PLCB1: variants seen among roughly 807,000 people sequenced by gnomAD.
PLCB1 encodes phospholipase C beta 1.
PLCB1 carries 46 observed loss-of-function variants against 161.8 expected under a neutral mutation model. The ratio of observed to expected loss-of-function variants is 0.28; its 90% CI spans 0.22 to 0.36. The LOEUF is 0.36. Ranked by LOEUF, PLCB1 falls within the 10% of genes least tolerant of loss-of-function variation. The probability of loss-of-function intolerance (pLI) is 1.00; values close to 1 mark genes in which losing one functional copy is unlikely to be tolerated. For synonymous variants in PLCB1, 517 were observed against 503.7 expected (o/e 1.03, Z -0.35); for missense variants, 1,016 against 1,472.5 (o/e 0.69, Z 5.07).
intron 3 of PLCB1, among the ~76,000 whole-genome samples, chr20:8,560,044 T>A (rs774715272): frequency 6.6e-6 from 1 of 152,024 alleles, no homozygotes; most frequent in African/African-American, 2.4e-5. Flanking sequence ...TTGTAGACTT[T>A]ATAGTCCAAG....
intron 2 of PLCB1, among the ~76,000 whole-genome samples, chr20:8,353,903 AT>A (rs1986271318): frequency 6.6e-6 from 1 of 152,114 alleles, no homozygotes; most frequent in African/African-American, 2.4e-5. Flanking sequence ...GTTGTATCAA[AT>A]GTATCATACT....
At chr20:8,270,818 A>T (rs1036337307) in intron 2 of PLCB1, among the ~76,000 whole-genome samples, 1 of 152,052 alleles carries the variant, frequency 6.6e-6, no homozygotes, top group African/African-American at 2.4e-5. Flanking sequence ...ATTTCTGTCA[A>T]TAGGGTTTGA....
chr20:8,341,532 C>T (rs1163842926), intron 2 of PLCB1, among the ~76,000 whole-genome samples: 1 of 152,150 alleles, frequency 6.6e-6, no homozygotes, highest in African/African-American at 2.4e-5. Flanking sequence ...GGATTCTTTT[C>T]TCTCAGATCT....
intron 2 of PLCB1, among the ~76,000 whole-genome samples, chr20:8,298,014 A>G (rs1983718268): frequency 6.6e-6 from 1 of 150,514 alleles, no homozygotes; most frequent in Non-Finnish European, 1.5e-5. Context: ...GTGAAGCAAG[A>G]GGCTGGGTGC....
intron 31 of PLCB1, among the ~76,000 whole-genome samples, chr20:8,870,488 G>A (rs554601992): frequency 3.9e-5 from 6 of 152,042 alleles, no homozygotes; most frequent in South Asian, 2.1e-4. Context: ...CCTCTGTGGC[G>A]GTTTCATGGA....
At chr20:8,449,129 T>G (rs1170190610) in intron 3 of PLCB1, among the ~76,000 whole-genome samples, 5 of 152,200 alleles carry the variant, frequency 3.3e-5, no homozygotes, top group Admixed American at 6.5e-5. Flanking sequence ...AAATATATGT[T>G]TAGAGATAAG....
chr20:8,812,052 G>T (rs1177610594), intron 31 of PLCB1, among the ~76,000 whole-genome samples: 2 of 150,828 alleles, frequency 1.3e-5, no homozygotes, highest in South Asian at 2.1e-4. Flanking sequence ...AGAGAGGAAG[G>T]TATTTTTTTT....
At chr20:8,654,126 T>C (rs1349357111) in intron 7 of PLCB1, among the ~76,000 whole-genome samples, 1 of 152,026 alleles carries the variant, frequency 6.6e-6, no homozygotes, top group Non-Finnish European at 1.5e-5. Flanking sequence ...AATCTAGAAA[T>C]GCAAATGCCA....
intron 2 of PLCB1, among the ~76,000 whole-genome samples, chr20:8,289,401 C>G (rs1983279733): frequency 1.3e-5 from 2 of 152,088 alleles, no homozygotes. Flanking sequence ...CCCGGGAAAG[C>G]TGATGCTGCT....
intron 3 of PLCB1, among the ~76,000 whole-genome samples, chr20:8,398,346 A>T (rs530945429): frequency 6.6e-6 from 1 of 152,278 alleles, no homozygotes; most frequent in South Asian, 2.1e-4. Flanking sequence ...TGTCTTAGTC[A>T]CTTTGGACTT....
chr20:8,493,622 G>C (rs1041279001), intron 3 of PLCB1, among the ~76,000 whole-genome samples: 23 of 150,448 alleles, frequency 1.5e-4, no homozygotes, highest in Non-Finnish European at 3.4e-4. Context: ...TGAGAGTGCT[G>C]TGTGCTTTAG....
chr20:8,775,694 C>T (rs1197989507), intron 27 of PLCB1, among the ~76,000 whole-genome samples: 4 of 152,112 alleles, frequency 2.6e-5, no homozygotes, highest in East Asian at 1.9e-4. Flanking sequence ...CAAATTCTAA[C>T]GAGGCCCGTT....
At chr20:8,690,309 C>T (rs2123412436) in intron 10 of PLCB1, among the ~76,000 whole-genome samples, 1 of 152,192 alleles carries the variant, frequency 6.6e-6, no homozygotes, top group East Asian at 1.9e-4. Flanking sequence ...AGAAAGTTTA[C>T]TTATTGCAAG....
At chr20:8,732,835 ATT>A (rs1568576887) in intron 18 of PLCB1, among the ~76,000 whole-genome samples, 3 of 132,970 alleles carry the variant, frequency 2.3e-5, no homozygotes, top group Non-Finnish European at 4.8e-5. Flanking sequence ...TATATACTAT[ATT>A]TATATATAAT....
chr20:8,655,016 G>T (rs1050373393), intron 7 of PLCB1, among the ~76,000 whole-genome samples: 2 of 151,940 alleles, frequency 1.3e-5, no homozygotes, highest in African/African-American at 4.8e-5. Context: ...TTGGGCAAGA[G>T]AAAAATGAGA....
intron 2 of PLCB1, among the ~76,000 whole-genome samples, chr20:8,208,944 TCA>T (rs1194375225): frequency 6.6e-6 from 1 of 152,204 alleles, no homozygotes. Flanking sequence ...AAAATTTTTC[TCA>T]GTTTTTGTCT....
chr20:8,276,947 CT>C (rs1982585133), intron 2 of PLCB1, among the ~76,000 whole-genome samples: 1 of 95,978 alleles, frequency 1.0e-5, no homozygotes. Context: ...TCTTCTTCTT[CT>C]TCTTCTTCTT....
chr20:8,463,639 T>C (rs573048813), intron 3 of PLCB1, among the ~76,000 whole-genome samples: 8 of 152,350 alleles, frequency 5.3e-5, no homozygotes, highest in Admixed American at 3.9e-4. Flanking sequence ...AATTTTTTTC[T>C]ATTTTATCCT....
At chr20:8,651,739 G>T (rs1327209212) in intron 7 of PLCB1, 5 of 441,880 alleles carry the variant, frequency 1.1e-5, no homozygotes, top group Non-Finnish European at 2.0e-5. Context: ...TAAACTGGGG[G>T]AAGTGCTATA....
Sources: gnomAD v4.1 joint callset for allele counts (sites outside exome capture counted in the v4.1 genomes callset) on GRCh38, gnomAD v4.1.1 for gene constraint, MANE v1.5 for transcripts, NCBI Gene and HGNC (gene_info 2026-07-23, HGNC 2026-07-21) for gene names.